The following DOCK2 variants were observed in gnomAD, a reference collection of about 807,000 sequenced individuals.
The protein encoded by DOCK2 is dedicator of cytokinesis protein 2.
In DOCK2, 87 loss-of-function variants were observed where a neutral mutation model predicts 248.9. The ratio of observed to expected loss-of-function variants is 0.35; its 90% confidence interval spans 0.29 to 0.42. The LOEUF (loss-of-function observed/expected upper bound fraction) is 0.42, where lower values mean the gene tolerates loss of function less well. DOCK2 is among the 10% of genes least tolerant of loss of function. The pLI, the probability that DOCK2 is intolerant of heterozygous loss-of-function variation, is 1.00. For missense variants in DOCK2, 1,747 were observed against 2,300.2 expected (o/e 0.76, Z 4.92); for synonymous variants, 805 against 821.6 (o/e 0.98, Z 0.35).
Position 169,723,450 on chromosome 5 carries a change from T to A in DOCK2, c.2267+4659T>A, listed in dbSNP as rs114886149. ...GTACAGACTAAGTGAGCCCAATGGA[T>A]GTAAGGTACTTACTTAGCACAGTGC... is the stretch of plus-strand genomic sequence containing the variant. On this transcript the variant is annotated intron_variant, in intron 22 of 51. Coordinates refer to ENST00000520908, the MANE Select transcript of DOCK2 (RefSeq NM_004946.3). Among the ~76,000 whole-genome samples, 732 of 152,334 alleles carry A rather than the reference T, an allele frequency of 4.8e-3. 8 individuals are homozygous for A. Among genetic ancestry groups the A allele is most frequent in the African/African-American group, 0.017 (703 of 41,578 alleles).
intron 27 of DOCK2, among the ~76,000 whole-genome samples, chr5:169,955,226 AG>A (rs1209295701): frequency 6.6e-6 from 1 of 152,222 alleles, no homozygotes; most frequent in Non-Finnish European, 1.5e-5. Flanking sequence ...CTGCAGGAGA[AG>A]GGGAGATGCC....
intron 27 of DOCK2, among the ~76,000 whole-genome samples, chr5:169,932,352 G>T (rs1581436858): frequency 6.6e-6 from 1 of 152,168 alleles, no homozygotes; most frequent in South Asian, 2.1e-4. Flanking sequence ...AACTATACCC[G>T]CTGCAGAGTA....
intron 27 of DOCK2, among the ~76,000 whole-genome samples, chr5:169,915,846 T>C (rs1774846091): frequency 1.3e-5 from 2 of 152,188 alleles, no homozygotes; most frequent in Admixed American, 6.5e-5. Flanking sequence ...AGGTGTGAGA[T>C]TGATGACTTG....
chr5:170,014,097 A>T (rs555882383), intron 32 of DOCK2, among the ~76,000 whole-genome samples: 1 of 152,184 alleles, frequency 6.6e-6, no homozygotes, highest in African/African-American at 2.4e-5. Flanking sequence ...AAGGAAAGAC[A>T]GGGAAAGGGC....
At position 169,741,872 on chromosome 5, in the gene DOCK2, C is replaced by T. The variant is rs568820313; in HGVS notation, c.2268-5524C>T. On this transcript the variant is annotated intron_variant, in intron 22 of 51. Transcript: ENST00000520908. ...TCTCCCAGGCTGGAGTGCAGTGGTG[C>T]GATCTCAGCTTACCGCAAGCTCTGC... is the stretch of plus-strand genomic sequence containing the variant. Among the ~76,000 whole-genome samples the T allele has an allele frequency of 1.6e-4, 22 of 138,440 alleles. 1 individual carries two copies. Among genetic ancestry groups the T allele is most frequent in the African/African-American group, 4.6e-4 (17 of 36,660 alleles). 90.8% of individuals were successfully genotyped at this position (138,440 alleles called of 152,430 possible). A position where few individuals can be genotyped will look rare whatever the true frequency, so the allele number is the denominator to read the frequency against.
At chr5:169,668,698 T>C (rs915304842) in intron 2 of DOCK2, among the ~76,000 whole-genome samples, 9 of 152,246 alleles carry the variant, frequency 5.9e-5, no homozygotes, top group African/African-American at 2.2e-4. Flanking sequence ...TTTTTTAATA[T>C]AATATTCCTG....
chr5:169,719,280 A>T (rs1018951156), intron 22 of DOCK2, among the ~76,000 whole-genome samples: 7 of 152,184 alleles, frequency 4.6e-5, no homozygotes, highest in Non-Finnish European at 1.0e-4. Context: ...GAAGATTTTG[A>T]TGGTCAGTAT....
chr5:169,821,049 C>T (rs150497612), intron 26 of DOCK2, among the ~76,000 whole-genome samples: 2,022 of 152,120 alleles, frequency 0.013, 23 homozygotes, highest in Middle Eastern at 0.048. Flanking sequence ...TGAAATGAAG[C>T]GAGCAGAGAA....
Position 169,883,656 on chromosome 5 carries a change from G to C in DOCK2, c.2799+42804G>C, listed in dbSNP as rs1772800186. 3 of 1,551,202 alleles carry C rather than the reference G, an allele frequency of 1.9e-6. No homozygotes were observed. In the South Asian group the frequency reaches 3.6e-5, roughly 18 times the overall value. ...CTGCCTTCTGGGACCTGGGGAAGGA[G>C]AGCGAGTAGGTGGGGGGAAGATGGT... On this transcript the variant is annotated intron_variant, in intron 27 of 51. Coordinates refer to ENST00000520908, the MANE Select transcript of DOCK2 (RefSeq NM_004946.3).
chr5:169,843,558 T>C (rs1441148412), intron 27 of DOCK2, among the ~76,000 whole-genome samples: 1 of 152,216 alleles, frequency 6.6e-6, no homozygotes, highest in Non-Finnish European at 1.5e-5. Context: ...AAAACAGTTT[T>C]ATTGAAGTAT....
chr5:169,804,437 AGTGTGTGTGT>A (rs55660700), intron 26 of DOCK2, among the ~76,000 whole-genome samples: 1,964 of 134,632 alleles, frequency 0.015, 37 homozygotes, highest in Admixed American at 0.048. Context: ...AGAGCTACAA[AGTGTGTGTGT>A]GTGTGTGTGT....
At chr5:170,082,742 G>T in intron 51 of DOCK2, 54 bp from the exon 52 acceptor site, 1 of 1,609,200 alleles carries the variant, frequency 6.2e-7, no homozygotes, top group Non-Finnish European at 8.5e-7. Flanking sequence ...CTCCATTTTG[G>T]TGCTTAATCT....
At position 170,052,769 on chromosome 5, in the gene DOCK2, T is replaced by C. The variant is rs191145265; in HGVS notation, c.4213+2372T>C. 2.6e-5 allele frequency among the ~76,000 whole-genome samples: 4 copies of C among 152,318 alleles called. No individual in the cohort carries two copies. The East Asian group carries it at 7.7e-4, about 29-fold the overall frequency. ...CCATGTACTAGGCATTTTACACGCA[T>C]TGTTGTTTTACCCTCCAATACTTAT... On this transcript the variant is annotated intron_variant, in intron 41 of 51. Transcript: ENST00000520908.
At chr5:169,846,730 C>T (rs1008599171) in intron 27 of DOCK2, among the ~76,000 whole-genome samples, 1 of 151,722 alleles carries the variant, frequency 6.6e-6, no homozygotes, top group African/African-American at 2.4e-5. Flanking sequence ...GTTTGGAGTA[C>T]AAGTGGTTTT....
intron 26 of DOCK2, among the ~76,000 whole-genome samples, chr5:169,833,647 A>T (rs780137528): frequency 2.0e-5 from 3 of 152,202 alleles, no homozygotes; most frequent in Non-Finnish European, 4.4e-5. Context: ...AGAAAAAAAC[A>T]GAAGACATCT....
rs750686628 is a variant in DOCK2, at chr5:170,045,812, G to A, written c.3877-4G>A. On this transcript the variant is annotated splice_polypyrimidine_tract_variant and splice_region_variant and intron_variant, in intron 38 of 51. Transcript: ENST00000520908. ...TCACCTTTGTCCCTGTGACCTTCCT[G>A]TAGATGTGGGAAGAGGCCATAAGTC... 11 of 1,613,976 alleles carry A rather than the reference G, an allele frequency of 6.8e-6. No homozygotes were observed. The South Asian group carries it at 1.1e-4, about 16-fold the overall frequency.
chr5:169,692,516 G>A (rs897588597), intron 9 of DOCK2, among the ~76,000 whole-genome samples: 3 of 151,538 alleles, frequency 2.0e-5, no homozygotes, highest in African/African-American at 4.9e-5. Flanking sequence ...GTGTGGAGGT[G>A]TGTGTGTGGG....
intron 1 of DOCK2, among the ~76,000 whole-genome samples, chr5:169,643,806 C>T (rs1228845040): frequency 6.6e-6 from 1 of 152,148 alleles, no homozygotes; most frequent in Non-Finnish European, 1.5e-5. Flanking sequence ...ACTGTCACGG[C>T]ACAGGGTCTG....
chr5:169,942,547 A>T (rs1776282880), intron 27 of DOCK2, among the ~76,000 whole-genome samples: 1 of 152,204 alleles, frequency 6.6e-6, no homozygotes, highest in Admixed American at 6.5e-5. Flanking sequence ...TTTTACAGAA[A>T]ATTGTAATTT....
Sources: allele counts gnomAD v4.1 joint callset (sites outside exome capture counted in the v4.1 genomes callset), GRCh38; gene constraint gnomAD v4.1.1; transcripts MANE v1.5; gene names NCBI Gene and HGNC (gene_info 2026-07-23, HGNC 2026-07-21).